WWP2: variants seen among roughly 807,000 people sequenced by gnomAD.
The protein encoded by WWP2 is WW domain containing E3 ubiquitin protein ligase 2, also known as NEDD4-like E3 ubiquitin-protein ligase WWP2.
WWP2 carries 57 observed loss-of-function variants against 121.0 expected under a neutral mutation model. The observed-to-expected ratio is 0.47, with a 90% CI of 0.38 to 0.59. The LOEUF (loss-of-function observed/expected upper bound fraction) is 0.59. WWP2 is among the 20% of genes least tolerant of loss of function. The pLI is 0.00. For synonymous variants in WWP2, 449 were observed against 441.3 expected, an observed-to-expected ratio of 1.02 and a Z score of -0.22; for missense variants, 962 against 1,158.9, an observed-to-expected ratio of 0.83 and a Z score of 2.47.
chr16:69,807,435 C>T (rs2056301618), intron 4 of WWP2, among the ~76,000 whole-genome samples: 1 of 151,512 alleles, frequency 6.6e-6, no homozygotes, highest in Non-Finnish European at 1.5e-5. Context: ...TTCAATGTAG[C>T]ATTGAAAACT....
intron 9 of WWP2, chr16:69,909,531 C>G: frequency 1.0e-6 from 1 of 985,438 alleles, no homozygotes; most frequent in South Asian, 4.7e-5. Flanking sequence ...CCATAATTCT[C>G]CATGGATGGG....
intron 6 of WWP2, among the ~76,000 whole-genome samples, chr16:69,870,069 C>G (rs2057605614): frequency 6.6e-6 from 1 of 152,194 alleles, no homozygotes; most frequent in Admixed American, 6.5e-5. Context: ...ATTAAACTGC[C>G]TGTACATGAA....
rs2058782402 is a variant in WWP2, at chr16:69,935,424, G to A, written c.1843-429G>A. Among the ~76,000 whole-genome samples, 1 of 152,230 alleles carries A rather than the reference G, an allele frequency of 6.6e-6. No individual in the cohort carries two copies. The highest frequency in any genetic ancestry group is 2.1e-4 in the South Asian group (1 of 4,838). On this transcript the variant is annotated intron_variant, in intron 17 of 23. Coordinates refer to ENST00000359154, the MANE Select transcript of WWP2 (RefSeq NM_001270454.2). This position sits in a 1 kb window ranked among gnomAD's most constrained non-coding sequence, Gnocchi z 5.2. The stretch of plus-strand genomic sequence containing the variant: ...CATTGGCCGCCAGCTCTCGCTGTCG[G>A]CGGTGTCTGCATTATTTTTGGCTGC...
intron 7 of WWP2, among the ~76,000 whole-genome samples, chr16:69,883,651 C>G (rs1219594203): frequency 6.6e-6 from 1 of 152,114 alleles, no homozygotes; most frequent in Non-Finnish European, 1.5e-5. Flanking sequence ...TGGTGGTTTA[C>G]TGCACAGATC....
intron 2 of WWP2, among the ~76,000 whole-genome samples, chr16:69,790,825 C>T (rs1597670603): frequency 6.6e-6 from 1 of 152,286 alleles, no homozygotes; most frequent in East Asian, 1.9e-4. Context: ...ATCCGCCTGC[C>T]TCAGCCCCCC....
At chr16:69,770,426 C>T (rs1325868547) in intron 1 of WWP2, among the ~76,000 whole-genome samples, 1 of 152,166 alleles carries the variant, frequency 6.6e-6, no homozygotes, top group African/African-American at 2.4e-5. Context: ...TGGCTGCACA[C>T]GTGGAGGTTC....
rs369279958 is a variant in WWP2, at chr16:69,799,050, T to TA, written c.219-123dup. 8 of 1,437,852 alleles carry TA rather than the reference T, an allele frequency of 5.6e-6. No individual in the cohort carries two copies. In the African/African-American group the frequency reaches 1.1e-4, roughly 20 times the overall value. 89.1% of individuals were successfully genotyped at this position (1,437,852 alleles called of 1,614,324 possible). A position where few individuals can be genotyped will look rare whatever the true frequency, so the allele number is the denominator to read the frequency against. The stretch of plus-strand genomic sequence containing the variant: ...GTCAGCTTTGAGAGGGGAAAGGATA[T>TA]ATGTGGGTGTCTGCCTGTTTTGGTT... On this transcript the variant is annotated intron_variant, in intron 3 of 23. Transcript: ENST00000359154. This position sits in a 1 kb window ranked among gnomAD's most constrained non-coding sequence, Gnocchi z 4.5.
intron 4 of WWP2, among the ~76,000 whole-genome samples, chr16:69,804,715 C>T (rs1208616035): frequency 6.6e-6 from 1 of 152,086 alleles, no homozygotes; most frequent in Non-Finnish European, 1.5e-5. Flanking sequence ...TTCCTACTCC[C>T]CATGCCCCCT....
intron 22 of WWP2, 41 bp from the exon 23 acceptor site, chr16:69,939,300 A>G: frequency 1.2e-6 from 2 of 1,612,538 alleles, no homozygotes; most frequent in Non-Finnish European, 8.5e-7. Flanking sequence ...TTGGGAAGGG[A>G]CGTCTCTGCT....
chr16:69,844,639 C>A (rs1045063873), intron 6 of WWP2, among the ~76,000 whole-genome samples: 1 of 152,184 alleles, frequency 6.6e-6, no homozygotes, highest in Non-Finnish European at 1.5e-5. Context: ...ACCAGGTCAT[C>A]GGTGTTGCAG....
At chr16:69,800,482 C>T (rs2056139332) in intron 4 of WWP2, among the ~76,000 whole-genome samples, 1 of 151,854 alleles carries the variant, frequency 6.6e-6, no homozygotes, top group African/African-American at 2.4e-5. Context: ...TTTTGGTTAG[C>T]AAAAGTCCTT....
At chr16:69,926,610 C>T (rs944368601) in intron 11 of WWP2, among the ~76,000 whole-genome samples, 5 of 152,126 alleles carry the variant, frequency 3.3e-5, no homozygotes, top group African/African-American at 1.2e-4. Flanking sequence ...AGTCAATGAG[C>T]ACTGCAGTCC....
At chr16:69,820,568 A>T (rs1306192086) in intron 4 of WWP2, among the ~76,000 whole-genome samples, 2 of 131,694 alleles carry the variant, frequency 1.5e-5, no homozygotes, top group African/African-American at 5.0e-5. Flanking sequence ...AAAAAAAAAA[A>T]ATAGGACCAC....
At chr16:69,769,419 T>C (rs2055367271) in intron 1 of WWP2, among the ~76,000 whole-genome samples, 1 of 152,144 alleles carries the variant, frequency 6.6e-6, no homozygotes, top group South Asian at 2.1e-4. Flanking sequence ...AATAAAATCT[T>C]TGTGAACCCA....
At chr16:69,928,441 T>C (rs1167614839) in intron 11 of WWP2, among the ~76,000 whole-genome samples, 2 of 151,990 alleles carry the variant, frequency 1.3e-5, no homozygotes, top group African/African-American at 4.8e-5. Flanking sequence ...CCAGCTAGGG[T>C]TGGGTCTGCC....
chr16:69,891,141 A>G (rs1268432566), intron 8 of WWP2, among the ~76,000 whole-genome samples: 2 of 152,164 alleles, frequency 1.3e-5, no homozygotes, highest in African/African-American at 2.4e-5. Flanking sequence ...AAGAGGGAGC[A>G]TGGCAGGCTT....
intron 7 of WWP2, among the ~76,000 whole-genome samples, chr16:69,876,177 T>C (rs2057732130): frequency 6.6e-6 from 1 of 152,092 alleles, no homozygotes; most frequent in Admixed American, 6.6e-5. Context: ...AGTCTGGTCT[T>C]GAACTCCTGA....
chr16:69,851,824 C>CA (rs58401894), intron 6 of WWP2, among the ~76,000 whole-genome samples: 23,560 of 150,890 alleles, frequency 0.16, 2,161 homozygotes, highest in East Asian at 0.4. Context: ...AGTAAAAATA[C>CA]AAAAAAAAAT....
chr16:69,921,910 C>A (rs751345623), intron 10 of WWP2, among the ~76,000 whole-genome samples: 5 of 151,854 alleles, frequency 3.3e-5, no homozygotes, highest in Non-Finnish European at 7.4e-5. Context: ...CCTGTCTCTA[C>A]TAAAAATACA....
Sources: allele counts gnomAD v4.1 joint callset (sites outside exome capture counted in the v4.1 genomes callset), GRCh38; gene constraint gnomAD v4.1.1; non-coding constraint Gnocchi (gnomAD v3.1); transcripts MANE v1.5; gene names NCBI Gene and HGNC (gene_info 2026-07-23, HGNC 2026-07-21).